Variants in COL13A1 observed in about 807,000 individuals in gnomAD.
COL13A1 encodes the protein collagen alpha-1(XIII) chain.
A neutral mutation model predicts 130.9 loss-of-function variants in COL13A1; 89 were observed. The observed-to-expected ratio is 0.68, with a 90% CI of 0.57 to 0.81. The LOEUF is 0.81. Among genes scored for constraint, COL13A1 ranks in the 30% least tolerant of loss-of-function variants. COL13A1 has a pLI of 0.00. For synonymous variants in COL13A1, 402 were observed against 341.6 expected (o/e 1.18, Z -1.95); for missense variants, 879 against 934.6 (o/e 0.94, Z 0.78).
chr10:69,889,567 C>A, intron 10 of COL13A1, 127 bp downstream of exon 10: 1 of 1,230,082 alleles, frequency 8.1e-7, no homozygotes, highest in Non-Finnish European at 1.2e-6. Flanking sequence ...TGGTCACTCC[C>A]CAGCTGTGTA....
chr10:69,861,846 C>T, intron 2 of COL13A1, among the ~76,000 whole-genome samples: 1 of 152,198 alleles, frequency 6.6e-6, no homozygotes, highest in Non-Finnish European at 1.5e-5. Flanking sequence ...CTGCTGCCCA[C>T]TTCTCCCAGG....
At chr10:69,919,472 G>A (rs1017387354) in intron 20 of COL13A1, among the ~76,000 whole-genome samples, 193 bp from the exon 21 acceptor site, 2 of 152,246 alleles carry the variant, frequency 1.3e-5, no homozygotes, top group African/African-American at 4.8e-5. Context: ...TGCTAAATGT[G>A]CATTGAGGAG....
chr10:69,877,746 C>A (rs1352937780), intron 5 of COL13A1: 5 of 330,162 alleles, frequency 1.5e-5, no homozygotes, highest in Non-Finnish European at 2.9e-5. Flanking sequence ...CACACACACA[C>A]GTACGTGCCT....
At position 69,925,038 on chromosome 10, in the gene COL13A1, G is replaced by A. The variant is rs140968548; in HGVS notation, c.1329+31G>A. 9.0e-4 allele frequency: 1,369 copies of A among 1,514,530 alleles called. 14 individuals carry two copies. The African/African-American group carries it at 0.017, about 19-fold the overall frequency. 93.8% of individuals were successfully genotyped at this position (1,514,530 alleles called of 1,614,324 possible). A position where few individuals can be genotyped will look rare whatever the true frequency, so the allele number is the denominator to read the frequency against. On this transcript the variant is annotated intron_variant, in intron 25 of 40. Coordinates refer to ENST00000645393, the MANE Select transcript of COL13A1 (RefSeq NM_001368882.1). Reference sequence around the variant, plus strand: ...TGCCTCTCCCTCCTGGAGTCACAGCGTGAAGCGGCTGGTAAATCAAAAAAG... The same window carrying A: ...TGCCTCTCCCTCCTGGAGTCACAGCATGAAGCGGCTGGTAAATCAAAAAAG...
chr10:69,893,386 A>G (rs2061367733), intron 10 of COL13A1, among the ~76,000 whole-genome samples: 1 of 152,272 alleles, frequency 6.6e-6, no homozygotes, highest in African/African-American at 2.4e-5. Context: ...ACACTTGGCC[A>G]GCCACATGGG....
At chr10:69,865,550 GTCT>G (rs1158583951) in intron 2 of COL13A1, among the ~76,000 whole-genome samples, 1 of 152,234 alleles carries the variant, frequency 6.6e-6, no homozygotes, top group Non-Finnish European at 1.5e-5. Context: ...GAGAGAGAAA[GTCT>G]TCTTTTATAG....
chr10:69,830,635 G>A (rs1477454614), intron 2 of COL13A1, among the ~76,000 whole-genome samples: 2 of 152,214 alleles, frequency 1.3e-5, no homozygotes, highest in East Asian at 3.8e-4. Flanking sequence ...AGGAGGGACT[G>A]GGTAGAGACT....
In COL13A1 at chr10:69,857,064, C is replaced by T. The variant is rs111294172; in HGVS notation, c.365-10734C>T. Reference sequence around the variant, plus strand: ...CAGCCCCTCTGACCCGTGCTGGAGGCCTGGCCAGGAAACTGTTCAGCCTGA... The same window carrying T: ...CAGCCCCTCTGACCCGTGCTGGAGGTCTGGCCAGGAAACTGTTCAGCCTGA... On this transcript the variant is annotated intron_variant, in intron 2 of 40. Transcript: ENST00000645393. 7.8e-3 allele frequency among the ~76,000 whole-genome samples: 1,195 copies of T among 152,286 alleles called. 17 individuals carry two copies. Among genetic ancestry groups the T allele is most frequent in the African/African-American group, 0.028 (1,149 of 41,540 alleles).
Position 69,838,568 on chromosome 10 carries a change from C to T in COL13A1, c.364+16130C>T, listed in dbSNP as rs574106103. 5.8e-4 allele frequency among the ~76,000 whole-genome samples: 89 copies of T among 152,324 alleles called. 3 individuals are homozygous for T. The South Asian group carries it at 0.018, about 31-fold the overall frequency. ...TACTCAGCTCTCCTGAACCGCAGGC[C>T]AGGACTCTCTTGACCACCCACATTG... On this transcript the variant is annotated intron_variant, in intron 2 of 40. Coordinates refer to ENST00000645393, the MANE Select transcript of COL13A1 (RefSeq NM_001368882.1).
chr10:69,859,075 G>A (rs953419690), intron 2 of COL13A1, among the ~76,000 whole-genome samples: 8 of 152,198 alleles, frequency 5.3e-5, no homozygotes, highest in Admixed American at 4.6e-4. Flanking sequence ...CTGTGGCTCA[G>A]TTTCCTCCAC....
intron 1 of COL13A1, among the ~76,000 whole-genome samples, chr10:69,807,908 CAT>C (rs1491294208): frequency 1.3e-5 from 2 of 152,152 alleles, no homozygotes; most frequent in African/African-American, 4.8e-5. Context: ...CCTCAGCAGA[CAT>C]TATTAATCAA....
At chr10:69,942,024 G>A (rs938894350) in intron 35 of COL13A1, among the ~76,000 whole-genome samples, 10 of 152,208 alleles carry the variant, frequency 6.6e-5, no homozygotes, top group African/African-American at 1.9e-4. Context: ...CAGGGGAGGC[G>A]AGACCTTGCC....
intron 1 of COL13A1, among the ~76,000 whole-genome samples, chr10:69,819,435 G>A (rs978353356): frequency 5.5e-4 from 84 of 152,282 alleles, no homozygotes; most frequent in African/African-American, 1.9e-3. Context: ...AAGCAGTTGG[G>A]CAGAGGAGGG....
chr10:69,817,264 G>C (rs890554365), intron 1 of COL13A1, among the ~76,000 whole-genome samples: 5 of 152,032 alleles, frequency 3.3e-5, no homozygotes, highest in Non-Finnish European at 7.4e-5. Flanking sequence ...GCGACAGGAG[G>C]GGTTGGCCCT....
At chr10:69,888,720 C>G in intron 9 of COL13A1, among the ~76,000 whole-genome samples, 1 of 152,142 alleles carries the variant, frequency 6.6e-6, no homozygotes, top group East Asian at 1.9e-4. Context: ...TCTCCCATGG[C>G]CCTGTCCTCG....
chr10:69,842,787 G>A (rs921557179), intron 2 of COL13A1, among the ~76,000 whole-genome samples: 1 of 152,216 alleles, frequency 6.6e-6, no homozygotes, highest in African/African-American at 2.4e-5. Flanking sequence ...TTCACCCAGA[G>A]TTTGCTCCTT....
intron 2 of COL13A1, among the ~76,000 whole-genome samples, chr10:69,861,975 T>C (rs541562727): frequency 2.6e-5 from 4 of 152,258 alleles, no homozygotes; most frequent in Non-Finnish European, 2.9e-5. Flanking sequence ...GAAGTGGCTC[T>C]TGGGGTAAGG....
Position 69,904,964 on chromosome 10 carries a change from G to A in COL13A1, c.885+5G>A. 1 of 1,556,738 alleles carries A rather than the reference G, an allele frequency of 6.4e-7. No homozygotes were observed. Among genetic ancestry groups the A allele is most frequent in the Non-Finnish European group, 8.7e-7 (1 of 1,150,026 alleles). ...CCTGGGCCTCCTGGACCAAAGGTGA[G>A]TGTCCTTCTGGGTGATGTGTTGAAC... is the stretch of plus-strand genomic sequence containing the variant. On this transcript the variant is annotated splice_donor_5th_base_variant and intron_variant, in intron 16 of 40. Transcript: ENST00000645393.
chr10:69,858,148 G>A (rs975366411), intron 2 of COL13A1, among the ~76,000 whole-genome samples: 1 of 144,450 alleles, frequency 6.9e-6, no homozygotes, highest in Non-Finnish European at 1.5e-5. Context: ...TTGGTGCCTG[G>A]CACATGAGAA....
Sources: gnomAD v4.1 joint callset for allele counts (sites outside exome capture counted in the v4.1 genomes callset) on GRCh38, gnomAD v4.1.1 for gene constraint, MANE v1.5 for transcripts, NCBI Gene and HGNC (gene_info 2026-07-23, HGNC 2026-07-21) for gene names.